L3MBTL4: variants seen among roughly 807,000 people sequenced by gnomAD.
L3MBTL4 encodes lethal(3)malignant brain tumor-like protein 4.
In L3MBTL4, 70 loss-of-function variants were observed where a neutral mutation model predicts 84.5. The observed-to-expected ratio is 0.83, with a 90% CI of 0.68 to 1.01. L3MBTL4 has a LOEUF of 1.01. Among genes scored for constraint, L3MBTL4 ranks in the 50% least tolerant of loss-of-function variants. The pLI is 0.00. For synonymous variants in L3MBTL4, 274 were observed against 259.8 expected, an observed-to-expected ratio of 1.05 and a Z score of -0.52; for missense variants, 715 against 754.8, an observed-to-expected ratio of 0.95 and a Z score of 0.62.
chr18:6,362,547 C>T (rs1420794008), intron 1 of L3MBTL4, among the ~76,000 whole-genome samples: 1 of 152,166 alleles, frequency 6.6e-6, no homozygotes, highest in Non-Finnish European at 1.5e-5. Context: ...TACCACATCC[C>T]TGTGAAGTCT....
rs138878115 is a variant in L3MBTL4 at position 6,406,768 on chromosome 18, T to TA, written c.-91+8032dup. ...GAGATTGAGAAACCCTGGATGAGAT[T>TA]ATTTTTAAACTCCCTAAAATTCAAA... On this transcript the variant is annotated intron_variant, in intron 1 of 18. Transcript: ENST00000317931. Among the ~76,000 whole-genome samples the TA allele has an allele frequency of 4.7e-3, 715 of 152,226 alleles. 10 individuals are homozygous for TA. Among genetic ancestry groups the TA allele is most frequent in the African/African-American group, 0.016 (669 of 41,532 alleles).
chr18:6,236,454 G>A (rs2047218372), intron 10 of L3MBTL4, among the ~76,000 whole-genome samples: 1 of 152,160 alleles, frequency 6.6e-6, no homozygotes. Flanking sequence ...AATTTTTCTA[G>A]GCTCACACAA....
chr18:6,222,512 A>G (rs2145899192), intron 10 of L3MBTL4, among the ~76,000 whole-genome samples: 1 of 152,334 alleles, frequency 6.6e-6, no homozygotes, highest in Middle Eastern at 3.4e-3. Flanking sequence ...GCGGGATCTA[A>G]TCTAACCCAA....
chr18:5,961,026 A>G (rs958828580), intron 17 of L3MBTL4, among the ~76,000 whole-genome samples: 3 of 152,238 alleles, frequency 2.0e-5, no homozygotes, highest in Non-Finnish European at 2.9e-5. Context: ...GCAGCAGGGG[A>G]TGAAAGGCAG....
At chr18:6,135,364 T>C (rs1052205564) in intron 14 of L3MBTL4, among the ~76,000 whole-genome samples, 2 of 152,206 alleles carry the variant, frequency 1.3e-5, no homozygotes, top group East Asian at 3.9e-4. Flanking sequence ...CTTATGCAAA[T>C]TTCTGCAGCC....
At chr18:6,283,479 G>A (rs2146606913) in intron 4 of L3MBTL4, among the ~76,000 whole-genome samples, 1 of 151,940 alleles carries the variant, frequency 6.6e-6, no homozygotes, top group Admixed American at 6.5e-5. Context: ...AAATACTAAA[G>A]GAAATATTAT....
intron 14 of L3MBTL4, among the ~76,000 whole-genome samples, chr18:6,105,306 T>C (rs901289153): frequency 2.7e-5 from 4 of 150,254 alleles, no homozygotes; most frequent in African/African-American, 9.8e-5. Flanking sequence ...TTCTTCTGCC[T>C]CAGCCTCCCA....
At chr18:6,183,921 G>A (rs760623806) in intron 12 of L3MBTL4, among the ~76,000 whole-genome samples, 8 of 151,986 alleles carry the variant, frequency 5.3e-5, no homozygotes, top group South Asian at 2.1e-4. Context: ...AAAAATACAC[G>A]TTAGTCTAAC....
chr18:6,006,239 G>C (rs2054480270), intron 16 of L3MBTL4, among the ~76,000 whole-genome samples: 1 of 152,174 alleles, frequency 6.6e-6, no homozygotes, highest in Admixed American at 6.6e-5. Context: ...GTATGTATAA[G>C]TCTAAAACAC....
chr18:6,165,224 C>A (rs553334361), intron 13 of L3MBTL4, among the ~76,000 whole-genome samples: 2 of 152,068 alleles, frequency 1.3e-5, no homozygotes, highest in South Asian at 4.1e-4. Flanking sequence ...CTGAAAGTGA[C>A]GGGGAGAATG....
At chr18:6,069,042 G>A (rs903380710) in intron 16 of L3MBTL4, among the ~76,000 whole-genome samples, 2 of 152,202 alleles carry the variant, frequency 1.3e-5, no homozygotes, top group Non-Finnish European at 2.9e-5. Context: ...GTCTGCAAGG[G>A]ATCCAGAAAT....
intron 16 of L3MBTL4, among the ~76,000 whole-genome samples, chr18:5,980,328 A>T (rs1784821): frequency 0.24 from 36,299 of 151,800 alleles, 5,554 homozygotes; most frequent in African/African-American, 0.42. Flanking sequence ...AGAGGCCAGG[A>T]TTCCCCCCAG....
In L3MBTL4 at chr18:6,160,589, G is replaced by A. The variant is rs567281499; in HGVS notation, c.1096+11239C>T. On this transcript the variant is annotated intron_variant, in intron 13 of 18. Transcript: ENST00000317931. ...TCTACTAAAAATACAAAAATTAGCC[G>A]GGCTTGGTGGCGGGGTCTGTAATCC... Among the ~76,000 whole-genome samples, 119 of 152,182 alleles carry A rather than the reference G, an allele frequency of 7.8e-4. 1 individual carries two copies. The Middle Eastern group carries it at 0.017, about 22-fold the overall frequency.
chr18:5,958,020 A>T (rs114146242), intron 18 of L3MBTL4, among the ~76,000 whole-genome samples: 1 of 117,138 alleles, frequency 8.5e-6, no homozygotes, highest in African/African-American at 3.3e-5. Flanking sequence ...GGAGGAGGAG[A>T]AGGAGAAAGA....
chr18:5,956,119 G>A lies in L3MBTL4; in HGVS notation c.*101C>T, dbSNP rs2095225186. 2 of 978,446 alleles carry A rather than the reference G, an allele frequency of 2.0e-6. No homozygotes were observed. Among genetic ancestry groups the A allele is most frequent in the Admixed American group, 4.5e-5 (2 of 44,448 alleles). The allele number at this position is 978,446 out of a possible 1,614,324, so 60.6% of individuals were successfully genotyped here. A position where few individuals can be genotyped will look rare whatever the true frequency, so the allele number is the denominator to read the frequency against. Reference sequence around the variant, plus strand: ...ACACTTTAAAAAGTCCAGATTCAGTGTGGATACGGCCATGGGGACATTCAC... The same window carrying A: ...ACACTTTAAAAAGTCCAGATTCAGTATGGATACGGCCATGGGGACATTCAC... On this transcript the variant is annotated 3_prime_UTR_variant, in exon 19 of 19. Coordinates refer to ENST00000317931, the MANE Select transcript of L3MBTL4 (RefSeq NM_001330559.2).
intron 12 of L3MBTL4, among the ~76,000 whole-genome samples, chr18:6,192,947 G>A (rs1024427659): frequency 7.9e-5 from 12 of 152,114 alleles, no homozygotes; most frequent in Non-Finnish European, 1.5e-4. Context: ...AAACAAGAAA[G>A]TGAGGGGCAG....
rs368407897 is a variant in L3MBTL4, at chr18:6,359,503, T to C, written c.-90-47447A>G. Among the ~76,000 whole-genome samples, 17 of 152,132 alleles carry C rather than the reference T, an allele frequency of 1.1e-4. No individual in the cohort carries two copies. In the East Asian group the frequency reaches 2.3e-3, roughly 21 times the overall value. On this transcript the variant is annotated intron_variant, in intron 1 of 18. Coordinates refer to ENST00000317931, the MANE Select transcript of L3MBTL4 (RefSeq NM_001330559.2). ...ATTACTTAGTATAATCTTGAGAAAA[T>C]GGCTAAAATAAGTTTTCTCTAAACA...
chr18:6,090,259 C>T (rs1315517894), intron 15 of L3MBTL4, among the ~76,000 whole-genome samples: 3 of 152,146 alleles, frequency 2.0e-5, no homozygotes, highest in African/African-American at 7.2e-5. Context: ...CTCTTGCAAA[C>T]GTCTAGCAGT....
intron 4 of L3MBTL4, among the ~76,000 whole-genome samples, chr18:6,287,889 G>T (rs906081330): frequency 6.6e-6 from 1 of 152,060 alleles, no homozygotes. Context: ...TAAAAATTTA[G>T]AAATTAGCCA....
Sources: allele counts gnomAD v4.1 joint callset (sites outside exome capture counted in the v4.1 genomes callset), GRCh38; gene constraint gnomAD v4.1.1; transcripts MANE v1.5; gene names NCBI Gene and HGNC (gene_info 2026-07-23, HGNC 2026-07-21).